LAMA2: variants seen among roughly 807,000 people sequenced by gnomAD.
The protein encoded by LAMA2 is laminin subunit alpha-2.
Under a neutral mutation model 364.8 loss-of-function variants are expected in LAMA2, and 269 were observed. The observed-to-expected ratio is 0.74, with a 90% confidence interval of 0.67 to 0.82. The LOEUF (loss-of-function observed/expected upper bound fraction) is 0.82, where lower values mean the gene tolerates loss of function less well. Among genes scored for constraint, LAMA2 ranks in the 40% least tolerant of loss-of-function variants. LAMA2 has a pLI of 0.00. For synonymous variants in LAMA2, 1,379 were observed against 1,370.6 expected, an observed-to-expected ratio of 1.01 and a Z score of -0.14; for missense variants, 3,807 against 3,873.2, an observed-to-expected ratio of 0.98 and a Z score of 0.45.
chr6:129,429,763 G>A (rs1050382190), intron 41 of LAMA2, among the ~76,000 whole-genome samples: 8 of 152,158 alleles, frequency 5.3e-5, no homozygotes. Context: ...GGAGCGAGGT[G>A]ATTCATGCAA....
intron 35 of LAMA2, among the ~76,000 whole-genome samples, chr6:129,385,902 C>T (rs1201893289): frequency 6.6e-6 from 1 of 152,028 alleles, no homozygotes; most frequent in Middle Eastern, 3.2e-3. Flanking sequence ...TTTTGCTTCT[C>T]CTGAGGAATT....
chr6:128,981,422 C>T (rs560776665), intron 1 of LAMA2, among the ~76,000 whole-genome samples: 42 of 152,082 alleles, frequency 2.8e-4, no homozygotes, highest in Non-Finnish European at 4.7e-4. Flanking sequence ...AACTCTTTCA[C>T]ACATCATTTG....
rs1811970 is a variant in LAMA2 at position 129,456,237 on chromosome 6, C to T, written c.6708-98C>T. The T allele has an allele frequency of 0.59, 710,128 of 1,201,710 alleles. 211,343 individuals carry two copies. Among genetic ancestry groups the T allele is most frequent in the African/African-American group, 0.68 (45,127 of 66,780 alleles). The allele number at this position is 1,201,710 out of a possible 1,614,324, so 74.4% of individuals were successfully genotyped here. ...TCTTAAATTCTTAAAAACAAGTCTC[C>T]GCATTTTATATCTTTTAAATCTGGA... On this transcript the variant is annotated intron_variant, in intron 47 of 64. Coordinates refer to ENST00000421865, the MANE Select transcript of LAMA2 (RefSeq NM_000426.4).
chr6:128,976,439 C>T (rs1163435321), intron 1 of LAMA2, among the ~76,000 whole-genome samples: 2 of 151,978 alleles, frequency 1.3e-5, no homozygotes, highest in African/African-American at 4.8e-5. Flanking sequence ...CTCATTTGAA[C>T]CCAGGGAAAT....
chr6:129,152,477 A>G (rs562068267), intron 7 of LAMA2, among the ~76,000 whole-genome samples: 122 of 152,312 alleles, frequency 8.0e-4, no homozygotes, highest in African/African-American at 2.8e-3. Flanking sequence ...CCCTATAGAT[A>G]TATTCATATA....
At chr6:129,320,459 A>G (rs1041808497) in intron 27 of LAMA2, 79 bp from the exon 28 acceptor site, 7 of 858,000 alleles carry the variant, frequency 8.2e-6, no homozygotes, top group Admixed American at 6.8e-5. Context: ...TGAGAAGGAT[A>G]TTGCTGTAGG....
At chr6:128,990,376 A>C (rs1434455325) in intron 1 of LAMA2, among the ~76,000 whole-genome samples, 1 of 152,204 alleles carries the variant, frequency 6.6e-6, no homozygotes, top group Non-Finnish European at 1.5e-5. Flanking sequence ...GATGCATGCA[A>C]AATATCTCAT....
intron 10 of LAMA2, 108 bp from the exon 11 acceptor site, chr6:129,190,097 A>G: frequency 9.2e-7 from 1 of 1,086,404 alleles, no homozygotes; most frequent in Non-Finnish European, 1.4e-6. Context: ...AATATAGTTG[A>G]GAGGGTAAAA....
rs1186696451 is a variant in LAMA2, at chr6:129,337,839, TA to T, written c.4312-4503del. 1.9e-4 allele frequency among the ~76,000 whole-genome samples: 29 copies of T among 152,204 alleles called. 1 individual carries two copies. The highest frequency in any genetic ancestry group is 6.5e-4 in the African/African-American group (27 of 41,552). On this transcript the variant is annotated intron_variant, in intron 29 of 64. Transcript: ENST00000421865. ...TAAACTTCTCATTAGGCATCCAAAA[TA>T]TAGGAATTTCCCCTAATGGCTAATT... is the stretch of plus-strand genomic sequence containing the variant.
intron 1 of LAMA2, among the ~76,000 whole-genome samples, chr6:129,048,440 T>C (rs1014223100): frequency 9.6e-6 from 1 of 103,930 alleles, no homozygotes; most frequent in African/African-American, 4.0e-5. Context: ...TTCTTTTTTC[T>C]TTTCTTTCTT....
intron 27 of LAMA2, among the ~76,000 whole-genome samples, chr6:129,318,611 A>G (rs1228704826): frequency 6.6e-6 from 1 of 152,132 alleles, no homozygotes; most frequent in Non-Finnish European, 1.5e-5. Flanking sequence ...GAGAGCCCAG[A>G]GAACATAAGG....
chr6:129,183,779 CT>C (rs3836996), intron 10 of LAMA2, among the ~76,000 whole-genome samples: 4,080 of 151,954 alleles, frequency 0.027, 128 homozygotes, highest in East Asian at 0.15. Context: ...TTTTTCTTTT[CT>C]TTTATGATCT....
chr6:129,156,185 A>G (rs917999873), intron 8 of LAMA2, among the ~76,000 whole-genome samples: 2 of 151,370 alleles, frequency 1.3e-5, no homozygotes, highest in South Asian at 2.1e-4. Context: ...TATATATACA[A>G]TGATATTCAA....
At chr6:129,306,850 CATTT>C (rs1048372578) in intron 22 of LAMA2, among the ~76,000 whole-genome samples, 2 of 151,646 alleles carry the variant, frequency 1.3e-5, no homozygotes, top group African/African-American at 4.8e-5. Context: ...CACATTTTTT[CATTT>C]ATTCTTGAAA....
At chr6:129,091,742 G>A (rs1774845249) in intron 3 of LAMA2, among the ~76,000 whole-genome samples, 1 of 152,170 alleles carries the variant, frequency 6.6e-6, no homozygotes, top group Non-Finnish European at 1.5e-5. Flanking sequence ...TGAAGTAAAT[G>A]TAAACTTATA....
chr6:129,313,895 C>CT (rs1774385991), intron 23 of LAMA2, among the ~76,000 whole-genome samples: 2 of 152,068 alleles, frequency 1.3e-5, no homozygotes, highest in East Asian at 3.8e-4. Context: ...TCTTATATCT[C>CT]GCAATTATGA....
At chr6:129,379,734 T>G (rs1019035685) in intron 34 of LAMA2, among the ~76,000 whole-genome samples, 1 of 152,168 alleles carries the variant, frequency 6.6e-6, no homozygotes, top group Non-Finnish European at 1.5e-5. Flanking sequence ...GGACTGGAGA[T>G]TCACATGCCT....
At chr6:129,307,341 A>T (rs1773938815) in intron 22 of LAMA2, among the ~76,000 whole-genome samples, 1 of 152,142 alleles carries the variant, frequency 6.6e-6, no homozygotes, top group South Asian at 2.1e-4. Context: ...CCTTCATCCC[A>T]TGCATGCACC....
At chr6:129,011,934 A>C (rs1784792728) in intron 1 of LAMA2, among the ~76,000 whole-genome samples, 1 of 152,218 alleles carries the variant, frequency 6.6e-6, no homozygotes, top group Non-Finnish European at 1.5e-5. Context: ...AGAAGCAAGA[A>C]GGGGTTTAAT....
Sources: allele counts gnomAD v4.1 joint callset (sites outside exome capture counted in the v4.1 genomes callset), GRCh38; gene constraint gnomAD v4.1.1; transcripts MANE v1.5; gene names NCBI Gene and HGNC (gene_info 2026-07-23, HGNC 2026-07-21).